STK26: variants seen among roughly 807,000 people sequenced by gnomAD.
The protein encoded by STK26 is serine/threonine kinase 26, also known as serine/threonine-protein kinase 26.
A neutral mutation model predicts 34.7 loss-of-function variants in STK26; 14 were observed. The observed-to-expected ratio is 0.40, with a 90% CI of 0.27 to 0.63. The LOEUF is 0.63. Ranked by LOEUF, STK26 falls within the 30% of genes least tolerant of loss-of-function variation. The pLI is 0.38. For synonymous variants in STK26, 100 were observed against 109.8 expected (o/e 0.91, Z 0.56); for missense variants, 226 against 309.1 (o/e 0.73, Z 2.02).
intron 2 of STK26, 45 bp from the exon 3 acceptor site, chrX:132,054,586 A>C: frequency 9.0e-7 from 1 of 1,106,054 alleles, no homozygotes; most frequent in Non-Finnish European, 1.2e-6. Context: ...AATTTGATTC[A>C]AAACATTTGT....
chrX:132,073,922 C>T (rs1343116218), intron 11 of STK26, among the ~76,000 whole-genome samples: 1 of 111,199 alleles, frequency 9.0e-6, no homozygotes, highest in Non-Finnish European at 1.9e-5. Flanking sequence ...TAATGAAAAC[C>T]CCCCATTTGA....
At position 132,063,583 on chromosome X, in the gene STK26, G is replaced by A. The variant is rs146368900; in HGVS notation, c.330+94G>A. On this transcript the variant is annotated intron_variant, in intron 4 of 11. Transcript: ENST00000394334. ...TTGAAGATTAATGGCTTTTGAGCAC[G>A]CTAAGTGGTTGCTTTAGTTAATATG... 1.8e-3 allele frequency: 1,478 copies of A among 799,686 alleles called. 19 individuals are homozygous for A. The African/African-American group carries it at 0.026, about 14-fold the overall frequency. The allele number at this position is 799,686 out of a possible 1,213,427, so 65.9% of individuals were successfully genotyped here. A position where few individuals can be genotyped will look rare whatever the true frequency, so the allele number is the denominator to read the frequency against.
rs766843593 is a variant in STK26, at chrX:132,035,878, C to T, written c.42+12219C>T. On this transcript the variant is annotated intron_variant, in intron 2 of 11. Transcript: ENST00000394334. The stretch of plus-strand genomic sequence containing the variant: ...ACACACACACACACACACACACACT[C>T]ATTCACAGTCCTGACGTTTCAAAGC... Among the ~76,000 whole-genome samples the T allele has an allele frequency of 3.0e-5, 3 of 100,282 alleles. No homozygotes were observed. The East Asian group carries it at 9.8e-4, about 33-fold the overall frequency. 87.1% of individuals were successfully genotyped at this position (100,282 alleles called of 115,157 possible). A position where few individuals can be genotyped will look rare whatever the true frequency, so the allele number is the denominator to read the frequency against.
chrX:132,043,465 G>A (rs1926335478), intron 2 of STK26, among the ~76,000 whole-genome samples: 1 of 110,848 alleles, frequency 9.0e-6, no homozygotes, highest in African/African-American at 3.3e-5. Context: ...TCATTGTATG[G>A]CCTTTTCCCC....
chrX:132,028,236 A>C (rs141819156), intron 2 of STK26, among the ~76,000 whole-genome samples: 1 of 108,431 alleles, frequency 9.2e-6, no homozygotes, highest in Non-Finnish European at 1.9e-5. Context: ...GGTTCCATGG[A>C]CATATGTTTA....
chrX:132,030,158 C>G (rs975543806), intron 2 of STK26, among the ~76,000 whole-genome samples: 63 of 111,803 alleles, frequency 5.6e-4, no homozygotes, highest in African/African-American at 1.8e-3. Flanking sequence ...TATAATATGT[C>G]TAGCAAAACA....
At chrX:132,034,338 G>A (rs1164138656) in intron 2 of STK26, among the ~76,000 whole-genome samples, 2 of 70,671 alleles carry the variant, frequency 2.8e-5, no homozygotes, top group African/African-American at 1.1e-4. Flanking sequence ...ACGGAGTCTC[G>A]CTCTGTCGCC....
At chrX:132,071,970 G>A (rs917548033) in intron 8 of STK26, among the ~76,000 whole-genome samples, 7 of 111,623 alleles carry the variant, frequency 6.3e-5, no homozygotes, top group Non-Finnish European at 1.3e-4. Flanking sequence ...GAACCTTAAA[G>A]CAATCACAAG....
chrX:132,033,639 T>A (rs183635479), intron 2 of STK26, among the ~76,000 whole-genome samples: 4 of 111,858 alleles, frequency 3.6e-5, no homozygotes, highest in African/African-American at 9.7e-5. Flanking sequence ...GCTTGGACAG[T>A]GGTGACCCAG....
chrX:132,050,829 C>T (rs1444979230), intron 2 of STK26, among the ~76,000 whole-genome samples: 1 of 111,462 alleles, frequency 9.0e-6, no homozygotes, highest in Non-Finnish European at 1.9e-5. Flanking sequence ...ATAATGGGTT[C>T]CCTGTAATCA....
chrX:132,047,833 C>T (rs988330390), intron 2 of STK26, among the ~76,000 whole-genome samples: 4 of 111,799 alleles, frequency 3.6e-5, no homozygotes, highest in African/African-American at 1.3e-4. Flanking sequence ...CAAACCCCAA[C>T]CACCACAGTC....
At chrX:132,068,648 C>G (rs769364814) in intron 6 of STK26, 79 bp downstream of exon 6, 1 of 955,357 alleles carries the variant, frequency 1.0e-6, no homozygotes, top group African/African-American at 2.0e-5. Context: ...AATACACTGC[C>G]TTATTTTTCC....
At chrX:132,052,808 A>G (rs1342287904) in intron 2 of STK26, among the ~76,000 whole-genome samples, 1 of 112,428 alleles carries the variant, frequency 8.9e-6, no homozygotes, top group East Asian at 2.8e-4. Flanking sequence ...ATCTTCAAAT[A>G]AATGATACAT....
intron 2 of STK26, among the ~76,000 whole-genome samples, chrX:132,025,808 T>G (rs966293061): frequency 5.1e-5 from 5 of 98,765 alleles, no homozygotes; most frequent in African/African-American, 1.8e-4. Flanking sequence ...ATAAATTTGA[T>G]AGCATGCAGT....
chrX:132,045,617 C>T (rs1347856275), intron 2 of STK26, among the ~76,000 whole-genome samples: 1 of 111,878 alleles, frequency 8.9e-6, no homozygotes, highest in East Asian at 2.8e-4. Flanking sequence ...CCTCCTTTTT[C>T]CTTTGGAATG....
chrX:132,039,953 G>A (rs1340606238), intron 2 of STK26, among the ~76,000 whole-genome samples: 2 of 111,342 alleles, frequency 1.8e-5, no homozygotes, highest in Non-Finnish European at 3.8e-5. Context: ...CTCTCAAGAA[G>A]GACATATAAG....
chrX:132,062,766 G>GT (rs1391319435), intron 3 of STK26, among the ~76,000 whole-genome samples: 2 of 111,274 alleles, frequency 1.8e-5, no homozygotes, highest in Non-Finnish European at 3.8e-5. Context: ...TTAAAGCTTT[G>GT]TTTTTTATAA....
chrX:132,067,669 C>A (rs1323681443), intron 4 of STK26, among the ~76,000 whole-genome samples: 1 of 110,919 alleles, frequency 9.0e-6, no homozygotes, highest in Non-Finnish European at 1.9e-5. Flanking sequence ...ATATTCTTGG[C>A]TAAATTTACA....
In STK26 at chrX:132,074,286, A is replaced by T; in HGVS notation, c.*127A>T. 1 of 608,874 alleles carries T rather than the reference A, an allele frequency of 1.6e-6. No homozygotes were observed. Among genetic ancestry groups the T allele is most frequent in the Non-Finnish European group, 2.5e-6 (1 of 405,394 alleles). The allele number at this position is 608,874 out of a possible 1,213,427, so 50.2% of individuals were successfully genotyped here. ...GATCTTTGCAACACTGAAGATTTGG[A>T]AGAAGCTATTAAACTATTTTGTGAT... On this transcript the variant is annotated 3_prime_UTR_variant, in exon 12 of 12. Coordinates refer to ENST00000394334, the MANE Select transcript of STK26 (RefSeq NM_016542.4).
Sources: allele counts gnomAD v4.1 joint callset (sites outside exome capture counted in the v4.1 genomes callset), GRCh38; gene constraint gnomAD v4.1.1; transcripts MANE v1.5; gene names NCBI Gene and HGNC (gene_info 2026-07-23, HGNC 2026-07-21).